The following KAZN variants were observed in gnomAD, a reference collection of about 807,000 sequenced individuals.
KAZN encodes the protein kazrin, periplakin interacting protein, also known as kazrin.
KAZN carries 40 observed loss-of-function variants against 87.4 expected under a neutral mutation model. The ratio of observed to expected loss-of-function variants is 0.46; its 90% CI spans 0.36 to 0.60. KAZN has a LOEUF of 0.60. Among genes scored for constraint, KAZN ranks in the 20% least tolerant of loss-of-function variants. The pLI is 0.00. For missense variants in KAZN, 898 were observed against 1,073.9 expected, an observed-to-expected ratio of 0.84 and a Z score of 2.29; for synonymous variants, 466 against 458.3, an observed-to-expected ratio of 1.02 and a Z score of -0.22.
chr1:14,679,295 T>C (rs1027152146), intron 1 of KAZN, among the ~76,000 whole-genome samples: 2 of 151,838 alleles, frequency 1.3e-5, no homozygotes, highest in Admixed American at 6.6e-5. Context: ...TTTTTTTTTT[T>C]GGAAGGAATA....
At chr1:14,710,837 C>T (rs1039588218) in intron 1 of KAZN, among the ~76,000 whole-genome samples, 2 of 152,182 alleles carry the variant, frequency 1.3e-5, no homozygotes, top group Admixed American at 6.5e-5. Context: ...ATGTTCTGCT[C>T]TATTCCCAGG....
At chr1:14,689,802 C>T (rs994525522) in intron 1 of KAZN, among the ~76,000 whole-genome samples, 3 of 152,196 alleles carry the variant, frequency 2.0e-5, no homozygotes, top group East Asian at 1.9e-4. Flanking sequence ...GGGCAGAGGG[C>T]GTGGTGAGAC....
chr1:15,114,816 C>T lies in KAZN; in HGVS notation c.*181C>T. 1 of 579,992 alleles carries T rather than the reference C, an allele frequency of 1.7e-6. No individual in the cohort carries two copies. The highest frequency in any genetic ancestry group is 2.9e-5 in the East Asian group (1 of 34,224). 35.9% of individuals were successfully genotyped at this position (579,992 alleles called of 1,614,324 possible). A position where few individuals can be genotyped will look rare whatever the true frequency, so the allele number is the denominator to read the frequency against. On this transcript the variant is annotated 3_prime_UTR_variant, in exon 15 of 15. Coordinates refer to ENST00000376030, the MANE Select transcript of KAZN (RefSeq NM_201628.3). ...CACAGCGCCCAGGAGAGAGAAGACACCAGCCCACCTGTCTTGGGTGGGCCA... is the reference window on the plus strand; with the variant it reads ...CACAGCGCCCAGGAGAGAGAAGACATCAGCCCACCTGTCTTGGGTGGGCCA...
chr1:15,085,204 T>C (rs1230686948), intron 8 of KAZN, among the ~76,000 whole-genome samples: 1 of 152,116 alleles, frequency 6.6e-6, no homozygotes, highest in Non-Finnish European at 1.5e-5. Flanking sequence ...AAAGGAGAAA[T>C]TGCTGTATCG....
intron 8 of KAZN, among the ~76,000 whole-genome samples, chr1:15,087,262 T>C (rs140188014): frequency 6.6e-6 from 1 of 152,324 alleles, no homozygotes; most frequent in East Asian, 1.9e-4. Flanking sequence ...TTTAATAATA[T>C]ATTTTATTTA....
intron 1 of KAZN, among the ~76,000 whole-genome samples, chr1:14,613,003 C>T (rs1677941990): frequency 6.6e-6 from 1 of 152,138 alleles, no homozygotes; most frequent in African/African-American, 2.4e-5. Flanking sequence ...CTCCCAAAGA[C>T]AAGATTGGGT....
At chr1:15,090,709 G>A (rs868246845) in intron 8 of KAZN, among the ~76,000 whole-genome samples, 7 of 152,252 alleles carry the variant, frequency 4.6e-5, no homozygotes, top group Non-Finnish European at 8.8e-5. Flanking sequence ...GAAGGGAAAC[G>A]TGATAATGTT....
In KAZN at chr1:14,286,003, G is replaced by C. The variant is rs111661841; in HGVS notation, c.249+105411G>C. Among the ~76,000 whole-genome samples the C allele has an allele frequency of 5.5e-3, 844 of 152,292 alleles. 4 individuals are homozygous for C. Among genetic ancestry groups the C allele is most frequent in the African/African-American group, 0.019 (797 of 41,558 alleles). ...ACAGGGGCTCAAGAACTACACCCTTGTTCCCTCTCTTACGCTGCTCAATGC... is the reference window on the plus strand; with the variant it reads ...ACAGGGGCTCAAGAACTACACCCTTCTTCCCTCTCTTACGCTGCTCAATGC... On this transcript the variant is annotated intron_variant, in intron 2 of 16. Coordinates refer to the KAZN transcript ENST00000636203.
chr1:14,156,000 C>G, intron 1 of KAZN, among the ~76,000 whole-genome samples: 1 of 152,050 alleles, frequency 6.6e-6, no homozygotes, highest in East Asian at 1.9e-4. Flanking sequence ...CTTAGTACTA[C>G]TTTTACTGTG....
intron 1 of KAZN, among the ~76,000 whole-genome samples, chr1:14,775,470 C>T (rs1033134451): frequency 8.5e-5 from 13 of 152,192 alleles, no homozygotes; most frequent in African/African-American, 3.1e-4. Flanking sequence ...AGCATGGGGC[C>T]CTCAGAGATG....
intron 1 of KAZN, among the ~76,000 whole-genome samples, chr1:14,930,494 G>A (rs915980456): frequency 3.3e-5 from 5 of 152,146 alleles, no homozygotes; most frequent in Admixed American, 6.6e-5. Flanking sequence ...GTGGATTTTC[G>A]CTCAGTCGGG....
At chr1:15,000,938 TA>T (rs1322168003) in intron 2 of KAZN, among the ~76,000 whole-genome samples, 1 of 151,652 alleles carries the variant, frequency 6.6e-6, no homozygotes, top group Admixed American at 6.6e-5. Flanking sequence ...ACCCTATCTC[TA>T]AAAAAATTTA....
At chr1:14,692,081 G>A (rs1641348897) in intron 1 of KAZN, 2 of 290,746 alleles carry the variant, frequency 6.9e-6, no homozygotes, top group South Asian at 1.7e-4. Context: ...ATTGTAAAAT[G>A]GGCCCCAGGA....
intron 1 of KAZN, among the ~76,000 whole-genome samples, chr1:13,899,644 CT>C (rs35127542): frequency 0.3 from 41,536 of 136,642 alleles, 5,950 homozygotes; most frequent in East Asian, 0.37. Context: ...CTTGGTTGTC[CT>C]TTTTTTTTTT....
At chr1:14,668,468 T>C (rs1187836748) in intron 1 of KAZN, among the ~76,000 whole-genome samples, 1 of 152,028 alleles carries the variant, frequency 6.6e-6, no homozygotes, top group Non-Finnish European at 1.5e-5. Context: ...CTCACCCAAG[T>C]GCTGAGTTCT....
chr1:14,126,000 G>A (rs1449689765), intron 1 of KAZN, among the ~76,000 whole-genome samples: 1 of 151,996 alleles, frequency 6.6e-6, no homozygotes, highest in African/African-American at 2.4e-5. Context: ...GCTCTTACCT[G>A]GCCTTAGAGG....
chr1:14,869,151 AAGTTTAGT>A (rs1475147861), intron 1 of KAZN, among the ~76,000 whole-genome samples: 2 of 152,176 alleles, frequency 1.3e-5, no homozygotes, highest in African/African-American at 4.8e-5. Context: ...GTTGGGATCG[AAGTTTAGT>A]ATTCCAGCTT....
At chr1:14,212,390 A>G (rs1477127925) in intron 2 of KAZN, among the ~76,000 whole-genome samples, 1 of 152,150 alleles carries the variant, frequency 6.6e-6, no homozygotes, top group Non-Finnish European at 1.5e-5. Flanking sequence ...AATTTTCTTT[A>G]AAGTTTTACT....
At position 14,631,786 on chromosome 1, in the gene KAZN, G is replaced by A. The variant is rs143584775; in HGVS notation, c.226+32563G>A. 8.4e-3 allele frequency among the ~76,000 whole-genome samples: 1,279 copies of A among 152,334 alleles called. 14 individuals carry two copies. The highest frequency in any genetic ancestry group is 0.017 in the Middle Eastern group (5 of 294). On this transcript the variant is annotated intron_variant, in intron 1 of 14. Coordinates refer to ENST00000376030, the MANE Select transcript of KAZN (RefSeq NM_201628.3). Reference sequence around the variant, plus strand: ...AGGTAGCTGCTCCCCTCGTGTTGGCGAGGAAGCTCTCGGGTGAAATGTACC... The same window carrying A: ...AGGTAGCTGCTCCCCTCGTGTTGGCAAGGAAGCTCTCGGGTGAAATGTACC...
Sources: allele counts gnomAD v4.1 joint callset (sites outside exome capture counted in the v4.1 genomes callset), GRCh38; gene constraint gnomAD v4.1.1; transcripts MANE v1.5; gene names NCBI Gene and HGNC (gene_info 2026-07-23, HGNC 2026-07-21).